RGPD2: variants seen among roughly 807,000 people sequenced by gnomAD.
RGPD2 encodes RANBP2-like and GRIP domain-containing protein 2.
In RGPD2, 2 loss-of-function variants were observed where a neutral mutation model predicts 36.0. The ratio of observed to expected loss-of-function variants is 0.06; its 90% confidence interval spans 0.02 to 0.17. RGPD2 has a LOEUF of 0.17. RGPD2 is among the 10% of genes least tolerant of loss of function. The probability of loss-of-function intolerance (pLI) is 1.00; values close to 1 mark genes in which losing one functional copy is unlikely to be tolerated. For synonymous variants in RGPD2, 19 were observed against 163.8 expected, an observed-to-expected ratio of 0.12 and a Z score of 6.75; for missense variants, 40 against 464.3, an observed-to-expected ratio of 0.09 and a Z score of 8.40.
chr2:87,854,060 G>A, the RGPD2 span, among the ~76,000 whole-genome samples: 2 of 151,030 alleles, frequency 1.3e-5, no homozygotes, highest in African/African-American at 4.9e-5. Context: ...CGTGTGTGCT[G>A]AAAACCTTCC....
upstream of RGPD2, among the ~76,000 whole-genome samples, chr2:87,827,594 C>CTTACT (rs1176678905): frequency 1.9e-5 from 2 of 107,656 alleles, no homozygotes; most frequent in East Asian, 5.0e-4. Context: ...CATATATTTC[C>CTTACT]TTACTTTAGT....
chr2:87,958,797 G>A, the RGPD2 span, among the ~76,000 whole-genome samples: 1 of 151,486 alleles, frequency 6.6e-6, no homozygotes, highest in Admixed American at 6.6e-5. Context: ...CACCCACAGA[G>A]CTCATATGAG....
At chr2:87,963,785 A>T in the RGPD2 span, among the ~76,000 whole-genome samples, 1 of 132,118 alleles carries the variant, frequency 7.6e-6, no homozygotes, top group Admixed American at 7.5e-5. Context: ...TTTATGCTGA[A>T]TATGTTGAAA....
At chr2:87,929,751 T>TTTTGTAGTTCTCC in the RGPD2 span, among the ~76,000 whole-genome samples, 2 of 98,248 alleles carry the variant, frequency 2.0e-5, no homozygotes, top group Non-Finnish European at 4.0e-5. Context: ...TTGAGCAGTG[T>TTTTGTAGTTCTCC]TTTGTAGTTC....
chr2:87,969,520 TG>T, the RGPD2 span, among the ~76,000 whole-genome samples: 4 of 151,704 alleles, frequency 2.6e-5, no homozygotes, highest in Admixed American at 2.6e-4. Flanking sequence ...TAGCCGGGCA[TG>T]GCGTTGTGGG....
chr2:87,871,594 G>T, the RGPD2 span, among the ~76,000 whole-genome samples: 1 of 151,276 alleles, frequency 6.6e-6, no homozygotes, highest in South Asian at 2.1e-4. Flanking sequence ...GTCCGGGTGC[G>T]GTGGCTCACG....
chr2:87,977,519 A>G, the RGPD2 span, among the ~76,000 whole-genome samples: 2 of 151,566 alleles, frequency 1.3e-5, no homozygotes, highest in Non-Finnish European at 2.9e-5. Context: ...TGGTCACTAT[A>G]TAACATGTAC....
chr2:87,919,674 A>G, the RGPD2 span, among the ~76,000 whole-genome samples: 33,359 of 117,984 alleles, frequency 0.28, 5,751 homozygotes, highest in African/African-American at 0.43. Context: ...TTTTTGTAGC[A>G]TATATAATAG....
intron 4 of RGPD2, among the ~76,000 whole-genome samples, chr2:87,813,150 A>C (rs1686168495): frequency 6.6e-6 from 1 of 152,220 alleles, no homozygotes; most frequent in African/African-American, 2.4e-5. Context: ...AAATACACAC[A>C]CTTTCTTCTG....
At chr2:87,935,456 T>C in the RGPD2 span, among the ~76,000 whole-genome samples, 1 of 146,284 alleles carries the variant, frequency 6.8e-6, no homozygotes, top group African/African-American at 2.5e-5. Flanking sequence ...TGCAGTGGTA[T>C]AAAATATAAG....
chr2:87,886,868 C>G, the RGPD2 span, among the ~76,000 whole-genome samples: 1 of 151,856 alleles, frequency 6.6e-6, no homozygotes, highest in Non-Finnish European at 1.5e-5. Flanking sequence ...GGCCATTTTT[C>G]AAATGAGAAA....
chr2:87,983,314 C>T, the RGPD2 span, among the ~76,000 whole-genome samples: 5 of 151,680 alleles, frequency 3.3e-5, no homozygotes, highest in Admixed American at 6.6e-5. Flanking sequence ...AGCAAAACCC[C>T]GTCTTAAAAA....
At chr2:87,763,244 G>A (rs1216589047) in intron 22 of RGPD2, among the ~76,000 whole-genome samples, 15 of 144,526 alleles carry the variant, frequency 1.0e-4, no homozygotes, top group African/African-American at 2.6e-4. Flanking sequence ...TGCAAGCTCC[G>A]CCTCCCGGGT....
At position 87,791,854 on chromosome 2, in the gene RGPD2, A is replaced by G; in HGVS notation, c.2463+136T>C. 1.3e-5 allele frequency: 3 copies of G among 223,788 alleles called. 1 individual carries two copies. The highest frequency in any genetic ancestry group is 1.7e-5 in the Non-Finnish European group (3 of 171,818). 13.9% of individuals were successfully genotyped at this position (223,788 alleles called of 1,614,324 possible). ...CCCTGTCTTAAAAAAAAAAAAAAAA[A>G]AGACCAAAATGTCCCCTTGCCATAC... On this transcript the variant is annotated intron_variant, in intron 17 of 22. Coordinates refer to ENST00000398146, the MANE Select transcript of RGPD2 (RefSeq NM_001078170.3).
the RGPD2 span, among the ~76,000 whole-genome samples, chr2:87,986,486 C>T: frequency 2.0e-5 from 3 of 151,828 alleles, 1 homozygote; most frequent in South Asian, 6.2e-4. Flanking sequence ...AACCAAATAG[C>T]CCAGTTTGCC....
At chr2:87,825,817 C>G, upstream of RGPD2, 1 of 1,454,664 alleles carries the variant, frequency 6.9e-7, no homozygotes, top group South Asian at 1.2e-5. Context: ...CGCCTGAAAG[C>G]CACTGACGTA....
At chr2:87,930,516 G>T in the RGPD2 span, among the ~76,000 whole-genome samples, 16 of 152,078 alleles carry the variant, frequency 1.1e-4, no homozygotes, top group Middle Eastern at 6.8e-3. Flanking sequence ...CAAAGATATG[G>T]GCCTGAAGTT....
the RGPD2 span, among the ~76,000 whole-genome samples, chr2:87,952,022 T>C: frequency 8.5e-5 from 13 of 152,366 alleles, no homozygotes; most frequent in African/African-American, 3.1e-4. Context: ...CTTCCACCTG[T>C]TGAGTTGTAT....
chr2:87,867,001 T>A, the RGPD2 span, among the ~76,000 whole-genome samples: 6 of 152,136 alleles, frequency 3.9e-5, no homozygotes, highest in African/African-American at 1.4e-4. Context: ...TCCTTTTCTA[T>A]GTGAGAGGTT....
Sources: allele counts gnomAD v4.1 joint callset (sites outside exome capture counted in the v4.1 genomes callset), GRCh38; gene constraint gnomAD v4.1.1; transcripts MANE v1.5; gene names NCBI Gene and HGNC (gene_info 2026-07-23, HGNC 2026-07-21).